Variants in PCLO observed in about 807,000 individuals in gnomAD.
The protein encoded by PCLO is protein piccolo.
In PCLO, 82 loss-of-function variants were observed where a neutral mutation model predicts 427.5. The observed-to-expected ratio is 0.19, with a 90% CI of 0.16 to 0.23. PCLO has a LOEUF of 0.23. Among genes scored for constraint, PCLO ranks in the 10% least tolerant of loss-of-function variants. The pLI, the probability that PCLO is intolerant of heterozygous loss-of-function variation, is 1.00. For missense variants in PCLO, 6,239 were observed against 6,115.9 expected (o/e 1.02, Z -0.67); for synonymous variants, 2,357 against 2,155.4 (o/e 1.09, Z -2.59).
intron 6 of PCLO, among the ~76,000 whole-genome samples, chr7:82,923,698 C>A (rs1356648459): frequency 6.6e-6 from 1 of 152,050 alleles, no homozygotes; most frequent in Non-Finnish European, 1.5e-5. Flanking sequence ...TCTAGCAGTG[C>A]TTGAGCAGAA....
intron 20 of PCLO, chr7:82,822,080 T>C: frequency 2.0e-6 from 2 of 1,003,290 alleles, no homozygotes; most frequent in Non-Finnish European, 2.4e-6. Flanking sequence ...CTGCTCTAAA[T>C]ACTTATATGT....
intron 3 of PCLO, among the ~76,000 whole-genome samples, chr7:83,059,357 A>AAAAAATATAT (rs1332566491): frequency 3.4e-4 from 38 of 111,802 alleles, no homozygotes; most frequent in South Asian, 1.2e-3. Flanking sequence ...ACACCTTTAA[A>AAAAAATATAT]ATATATATAT....
At chr7:82,812,091 C>G (rs1397875667) in intron 20 of PCLO, among the ~76,000 whole-genome samples, 2 of 151,304 alleles carry the variant, frequency 1.3e-5, no homozygotes, top group Admixed American at 6.6e-5. Context: ...GACGGGTTGC[C>G]TCCATTTGCT....
chr7:82,966,736 AAG>A (rs1257625690), intron 3 of PCLO, among the ~76,000 whole-genome samples: 2 of 152,202 alleles, frequency 1.3e-5, no homozygotes, highest in East Asian at 1.9e-4. Flanking sequence ...GAGAAAAAGA[AAG>A]AGAAATAATT....
chr7:83,038,047 ATATCTTTATATATATATT>A, intron 3 of PCLO, among the ~76,000 whole-genome samples: 1 of 43,136 alleles, frequency 2.3e-5, no homozygotes, highest in African/African-American at 1.9e-4. Flanking sequence ...ATTTATATAT[ATATCTTTATATATATATT>A]TATATATTTA....
intron 3 of PCLO, among the ~76,000 whole-genome samples, chr7:83,125,926 C>T (rs887473477): frequency 6.6e-6 from 1 of 151,962 alleles, no homozygotes; most frequent in Admixed American, 6.5e-5. Flanking sequence ...TATATGCACT[C>T]CCATGTTTAC....
chr7:82,828,075 C>G (rs1562804887), intron 16 of PCLO, 109 bp from the exon 17 acceptor site: 1 of 674,354 alleles, frequency 1.5e-6, no homozygotes, highest in Non-Finnish European at 2.6e-6. Context: ...TTTCAAATCA[C>G]TATATAATTA....
chr7:83,005,270 A>C (rs183672216), intron 3 of PCLO, among the ~76,000 whole-genome samples: 1 of 151,712 alleles, frequency 6.6e-6, no homozygotes, highest in African/African-American at 2.4e-5. Context: ...TTGTGACAAC[A>C]TGGATAAACC....
intron 1 of PCLO, 87 bp downstream of exon 1, chr7:83,162,258 C>T (rs1371583989): frequency 2.7e-5 from 39 of 1,433,540 alleles, no homozygotes; most frequent in Non-Finnish European, 3.4e-5. Flanking sequence ...CATATATGTA[C>T]CGCCGTGCTG....
chr7:82,949,819 T>C lies in PCLO; in HGVS notation c.10769A>G (p.Lys3590Arg), dbSNP rs1795291316. The C allele has an allele frequency of 2.5e-6, 4 of 1,613,790 alleles. No homozygotes were observed. In the East Asian group the frequency reaches 8.9e-5, roughly 36 times the overall value. Residue 3590 changes from lysine (K) to arginine (R), a missense_variant, in exon 6 of 25, where the codon AAG becomes AGG. Around this residue, in one of 5 missense-constraint regions of PCLO, gnomAD observed 4,677 missense variants for 4,468.4 expected, o/e 1.05. Coordinates refer to ENST00000333891, the MANE Select transcript of PCLO (RefSeq NM_033026.6). ...AATCTCTAAAGGTGTTGGGCGTTTC[T>C]TGTCTTTGGGTGGAGATGTGGCACT... The part of the protein sequence containing the change: ...YLSATSPPKD[K>R]KRPTPLEIGY...
chr7:82,790,365 C>T (rs571301851), intron 22 of PCLO, among the ~76,000 whole-genome samples: 2 of 152,146 alleles, frequency 1.3e-5, no homozygotes, highest in Non-Finnish European at 2.9e-5. Flanking sequence ...CTCCCTCCAG[C>T]GCAGAACTAT....
intron 10 of PCLO, among the ~76,000 whole-genome samples, chr7:82,873,297 C>T (rs1793285498): frequency 6.6e-6 from 1 of 151,670 alleles, no homozygotes; most frequent in African/African-American, 2.4e-5. Context: ...ACACTCCATC[C>T]CCCATCCACA....
chr7:83,078,936 T>TAA (rs1366458177), intron 3 of PCLO, among the ~76,000 whole-genome samples: 1 of 152,118 alleles, frequency 6.6e-6, no homozygotes, highest in Non-Finnish European at 1.5e-5. Flanking sequence ...ACAACTATCT[T>TAA]AAACATTGTT....
chr7:83,030,649 A>G (rs996275428), intron 3 of PCLO, among the ~76,000 whole-genome samples: 2 of 152,224 alleles, frequency 1.3e-5, no homozygotes, highest in African/African-American at 4.8e-5. Context: ...ATGAGAAGCC[A>G]TGTAATATTG....
intron 3 of PCLO, among the ~76,000 whole-genome samples, chr7:83,081,924 A>C (rs1196255098): frequency 1.3e-5 from 2 of 151,820 alleles, no homozygotes; most frequent in Non-Finnish European, 3.0e-5. Flanking sequence ...TGAGTAAAAA[A>C]TAAATATTTT....
chr7:82,897,438 C>T (rs569633142), intron 9 of PCLO, among the ~76,000 whole-genome samples: 4 of 151,594 alleles, frequency 2.6e-5, no homozygotes, highest in African/African-American at 4.8e-5. Flanking sequence ...TCTTTGCATA[C>T]ATTACAAAAT....
At chr7:83,091,054 C>T (rs1222676949) in intron 3 of PCLO, among the ~76,000 whole-genome samples, 1 of 152,080 alleles carries the variant, frequency 6.6e-6, no homozygotes, top group African/African-American at 2.4e-5. Flanking sequence ...CTGATCCAAA[C>T]CACCTATTTT....
At chr7:82,859,264 T>C (rs1194334045) in intron 10 of PCLO, among the ~76,000 whole-genome samples, 4 of 152,130 alleles carry the variant, frequency 2.6e-5, no homozygotes, top group South Asian at 2.1e-4. Context: ...ACATAGGCAA[T>C]AGACAGGAAG....
intron 7 of PCLO, among the ~76,000 whole-genome samples, chr7:82,913,095 C>G (rs920082789): frequency 2.0e-5 from 3 of 151,928 alleles, no homozygotes; most frequent in Non-Finnish European, 4.4e-5. Flanking sequence ...TTGCAATGTA[C>G]ATTTATTCAA....
Sources: gnomAD v4.1 joint callset for allele counts (sites outside exome capture counted in the v4.1 genomes callset) on GRCh38, gnomAD v4.1.1 for gene constraint, gnomAD v4.1.1 regional missense constraint, MANE v1.5 for transcripts, NCBI Gene and HGNC (gene_info 2026-07-23, HGNC 2026-07-21) for gene names.